Variants in SLC39A11 observed in about 807,000 individuals in gnomAD.
SLC39A11 encodes zinc transporter ZIP11.
A neutral mutation model predicts 36.1 loss-of-function variants in SLC39A11; 33 were observed. That is an observed-to-expected ratio of 0.91 (90% confidence interval 0.69 to 1.22). SLC39A11 has a LOEUF of 1.22. SLC39A11 is among the 50% of genes most tolerant of loss of function. SLC39A11 has a pLI of 0.00. For missense variants in SLC39A11, 432 were observed against 430.3 expected (o/e 1.00, Z -0.03); for synonymous variants, 166 against 170.3 (o/e 0.97, Z 0.20).
chr17:72,918,134 C>A (rs994293867), intron 5 of SLC39A11, among the ~76,000 whole-genome samples: 5 of 152,216 alleles, frequency 3.3e-5, no homozygotes, highest in African/African-American at 1.2e-4. Context: ...GCTGGCTAGG[C>A]GTGGTGGCTC....
chr17:72,872,508 C>A (rs1466610971), intron 5 of SLC39A11, among the ~76,000 whole-genome samples: 2 of 152,186 alleles, frequency 1.3e-5, no homozygotes, highest in Non-Finnish European at 2.9e-5. Flanking sequence ...CTGGCTATGG[C>A]ACCGAAAAGC....
intron 5 of SLC39A11, among the ~76,000 whole-genome samples, chr17:72,929,943 G>A (rs1018281791): frequency 2.0e-5 from 3 of 152,196 alleles, no homozygotes; most frequent in African/African-American, 7.2e-5. Context: ...AAGCAACACT[G>A]AAATGTCCCT....
At chr17:72,900,844 A>G (rs1008852815) in intron 5 of SLC39A11, among the ~76,000 whole-genome samples, 7 of 152,316 alleles carry the variant, frequency 4.6e-5, no homozygotes, top group Admixed American at 2.0e-4. Context: ...CAGCAATTAC[A>G]GAGTTCAGCA....
chr17:72,684,335 G>A (rs1290577161), intron 7 of SLC39A11, among the ~76,000 whole-genome samples: 1 of 152,116 alleles, frequency 6.6e-6, no homozygotes. Context: ...CAGGCTCGTG[G>A]GACAGGCAGA....
chr17:72,990,160 G>T (rs1267189075), intron 4 of SLC39A11, among the ~76,000 whole-genome samples: 1 of 152,170 alleles, frequency 6.6e-6, no homozygotes, highest in African/African-American at 2.4e-5. Context: ...GGTCCTGCTT[G>T]GTCTTACAGT....
At chr17:72,771,187 C>A (rs780789875) in intron 6 of SLC39A11, among the ~76,000 whole-genome samples, 1 of 151,808 alleles carries the variant, frequency 6.6e-6, no homozygotes, top group Non-Finnish European at 1.5e-5. Context: ...GAGCTCAAGA[C>A]CAGCCTGGGC....
chr17:73,076,260 G>A (rs1206197504), intron 3 of SLC39A11, among the ~76,000 whole-genome samples: 2 of 151,850 alleles, frequency 1.3e-5, no homozygotes, highest in African/African-American at 4.8e-5. Flanking sequence ...AGAAAAATAG[G>A]CAAATAAATT....
intron 5 of SLC39A11, among the ~76,000 whole-genome samples, chr17:72,862,167 G>A (rs1198626634): frequency 6.6e-6 from 1 of 152,078 alleles, no homozygotes; most frequent in African/African-American, 2.4e-5. Context: ...TTAGTGCTAT[G>A]CCAAGATGCC....
chr17:73,047,807 A>C (rs933938853), intron 3 of SLC39A11, among the ~76,000 whole-genome samples: 11 of 151,322 alleles, frequency 7.3e-5, no homozygotes, highest in Admixed American at 3.3e-4. Flanking sequence ...GTCTCTACTA[A>C]AAATACAAAA....
In SLC39A11 at chr17:72,947,548, G is replaced by A. The variant is rs1202211558; in HGVS notation, c.430+204C>T. The stretch of plus-strand genomic sequence containing the variant: ...GTTACCTTCTGTAGACTAAGCATGT[G>A]GTTTGGACAACAAATGAGAAATGAA... On this transcript the variant is annotated intron_variant, in intron 5 of 9. Transcript: ENST00000255559. 7 of 712,136 alleles carry A rather than the reference G, an allele frequency of 9.8e-6. No homozygotes were observed. In the African/African-American group the frequency reaches 1.2e-4, roughly 13 times the overall value. 44.1% of individuals were successfully genotyped at this position (712,136 alleles called of 1,614,324 possible).
chr17:72,899,170 GT>G (rs1267287800), intron 5 of SLC39A11, among the ~76,000 whole-genome samples: 1 of 152,112 alleles, frequency 6.6e-6, no homozygotes, highest in Non-Finnish European at 1.5e-5. Context: ...TCCTGCCCAG[GT>G]CTCCAGGCTC....
intron 4 of SLC39A11, among the ~76,000 whole-genome samples, chr17:73,021,117 C>T (rs548585260): frequency 6.6e-6 from 1 of 152,262 alleles, no homozygotes; most frequent in Non-Finnish European, 1.5e-5. Flanking sequence ...GTTTATCTAA[C>T]TCTCCAACTT....
intron 6 of SLC39A11, among the ~76,000 whole-genome samples, chr17:72,763,154 CT>C (rs2075648909): frequency 6.6e-6 from 1 of 152,162 alleles, no homozygotes; most frequent in Admixed American, 6.5e-5. Flanking sequence ...GATTTAGATT[CT>C]CATCCACGAA....
At position 72,685,977 on chromosome 17, in the gene SLC39A11, A is replaced by G. The variant is rs145391755; in HGVS notation, c.672-36709T>C. 6.0e-3 allele frequency among the ~76,000 whole-genome samples: 916 copies of G among 152,084 alleles called. 8 individuals carry two copies. Among genetic ancestry groups the G allele is most frequent in the African/African-American group, 0.021 (859 of 41,480 alleles). ...CTTGAACCCAGGAGATGAAGATTGC[A>G]GTGAGCTATGATCCCACCACTGCAC... On this transcript the variant is annotated intron_variant, in intron 7 of 9. Transcript: ENST00000255559.
At position 73,006,952 on chromosome 17, in the gene SLC39A11, G is replaced by A. The variant is rs139461259; in HGVS notation, c.306+24604C>T. ...CCAGGCTGAACACTCACTCTTTCCT[G>A]TAGCAAATCAGTTTCAGGGCCCCTC... On this transcript the variant is annotated intron_variant, in intron 4 of 9. Transcript: ENST00000255559. Among the ~76,000 whole-genome samples, 233 of 152,230 alleles carry A rather than the reference G, an allele frequency of 1.5e-3. 1 individual carries two copies. The South Asian group carries it at 0.017, about 11-fold the overall frequency.
intron 6 of SLC39A11, among the ~76,000 whole-genome samples, chr17:72,788,725 G>A (rs1482024082): frequency 6.6e-6 from 1 of 152,248 alleles, no homozygotes; most frequent in Non-Finnish European, 1.5e-5. Flanking sequence ...CATTTAAGAG[G>A]TGATGCTCTC....
intron 4 of SLC39A11, among the ~76,000 whole-genome samples, chr17:72,964,577 G>A (rs1010424255): frequency 2.6e-5 from 4 of 152,202 alleles, no homozygotes; most frequent in Admixed American, 6.5e-5. Flanking sequence ...GGGAATGGGC[G>A]TGACACTCAA....
At chr17:72,926,760 T>C (rs1230341921) in intron 5 of SLC39A11, among the ~76,000 whole-genome samples, 1 of 152,082 alleles carries the variant, frequency 6.6e-6, no homozygotes, top group Non-Finnish European at 1.5e-5. Context: ...TTAGTTGTTA[T>C]CTTTGACCCC....
chr17:72,708,941 T>C (rs578161783), intron 7 of SLC39A11, among the ~76,000 whole-genome samples: 31 of 76,236 alleles, frequency 4.1e-4, no homozygotes, highest in South Asian at 1.2e-3. Flanking sequence ...TTTTCTTTTC[T>C]TTTTTTTTTT....
Sources: gnomAD v4.1 joint callset for allele counts (sites outside exome capture counted in the v4.1 genomes callset) on GRCh38, gnomAD v4.1.1 for gene constraint, MANE v1.5 for transcripts, NCBI Gene and HGNC (gene_info 2026-07-23, HGNC 2026-07-21) for gene names.